NUP188: variants seen among roughly 807,000 people sequenced by gnomAD.
NUP188 encodes nucleoporin 188, also known as nucleoporin NUP188.
A neutral mutation model predicts 223.0 loss-of-function variants in NUP188; 97 were observed. The ratio of observed to expected loss-of-function variants is 0.43; its 90% CI spans 0.37 to 0.51. The LOEUF (loss-of-function observed/expected upper bound fraction) is 0.51. Ranked by LOEUF, NUP188 falls within the 20% of genes least tolerant of loss-of-function variation. NUP188 has a pLI of 0.00. For missense variants in NUP188, 1,947 were observed against 2,175.6 expected, an observed-to-expected ratio of 0.89 and a Z score of 2.09; for synonymous variants, 869 against 828.0, an observed-to-expected ratio of 1.05 and a Z score of -0.85.
chr9:129,002,901 C>T lies in NUP188; in HGVS notation c.4222C>T (p.Leu1408Phe). The change falls in exon 37 of 44, where the codon CTC (leucine) becomes TTC (phenylalanine). Residue 1408 changes from leucine (L) to phenylalanine (F), a missense_variant. Physicochemically the swap from Leu to Phe is conservative, Grantham distance 22. Coordinates refer to ENST00000372577, the MANE Select transcript of NUP188 (RefSeq NM_015354.3). Reference sequence around the variant, plus strand: ...GTCCATGTCCCTGATGGAGCAGCTGCTCAAAACTCTGCGCTACAACTTCCT... The same window carrying T: ...GTCCATGTCCCTGATGGAGCAGCTGTTCAAAACTCTGCGCTACAACTTCCT... ...RLSMSLMEQL[L>F]KTLRYNFLPE... is the part of the protein sequence containing the mutation. 1 of 1,614,228 alleles carries T rather than the reference C, an allele frequency of 6.2e-7. No homozygotes were observed. The highest frequency in any genetic ancestry group is 8.5e-7 in the Non-Finnish European group (1 of 1,180,046).
intron 3 of NUP188, among the ~76,000 whole-genome samples, chr9:128,953,527 C>A (rs1400426341): frequency 6.6e-6 from 1 of 152,104 alleles, no homozygotes. Context: ...CATTTTCATT[C>A]TCTTAGGTTA....
At chr9:128,984,124 A>ATTTGTTTTTTTTTTTTTTTTTTT (rs1842296439) in intron 19 of NUP188, among the ~76,000 whole-genome samples, 1 of 93,070 alleles carries the variant, frequency 1.1e-5, no homozygotes. Context: ...GCCTGGCCTG[A>ATTTGTTTTTTTTTTTTTTTTTTT]TTTTTTTTTT....
chr9:128,971,912 C>T (rs1009195760), intron 11 of NUP188, among the ~76,000 whole-genome samples: 1 of 152,146 alleles, frequency 6.6e-6, no homozygotes, highest in African/African-American at 2.4e-5. Flanking sequence ...GCTGGGATTA[C>T]AGGCACCTGC....
At position 128,970,977 on chromosome 9, in the gene NUP188, G is replaced by A. The variant is rs939482006; in HGVS notation, c.1113+19G>A. On this transcript the variant is annotated intron_variant, in intron 11 of 43. Coordinates refer to ENST00000372577, the MANE Select transcript of NUP188 (RefSeq NM_015354.3). ...AAATGATGTGAGTTTAAGGCTCTGG[G>A]TGGTGAGCATGGGAGTGAGCCGGCA... 9 of 1,602,152 alleles carry A rather than the reference G, an allele frequency of 5.6e-6. No individual in the cohort carries two copies. Among genetic ancestry groups the A allele is most frequent in the Non-Finnish European group, 6.8e-6 (8 of 1,169,032 alleles).
rs762726883 is a variant in NUP188, at chr9:128,993,416, C to T, written c.2847+13C>T. The T allele has an allele frequency of 1.2e-5, 20 of 1,613,658 alleles. No individual in the cohort carries two copies. The East Asian group carries it at 4.2e-4, about 34-fold the overall frequency. ...TGATGGCTCAAAGGTAAGCCTGTAA[C>T]CTGGGATGACACTGGGAGTTGGCTC... On this transcript the variant is annotated intron_variant, in intron 26 of 43. Transcript: ENST00000372577.
At chr9:128,954,257 C>G (rs1040719044) in intron 3 of NUP188, among the ~76,000 whole-genome samples, 1 of 151,812 alleles carries the variant, frequency 6.6e-6, no homozygotes, top group African/African-American at 2.4e-5. Flanking sequence ...CTTTGTGGCC[C>G]AGGCTGGAGT....
chr9:128,989,883 T>C (rs1842390191), intron 24 of NUP188, among the ~76,000 whole-genome samples: 1 of 152,184 alleles, frequency 6.6e-6, no homozygotes. Flanking sequence ...CCTATTTTAT[T>C]CAAAATGTAT....
rs1212201147 is a variant in NUP188 at position 128,987,687 on chromosome 9, T to A, written c.2363T>A (p.Ile788Asn). The A allele has an allele frequency of 1.2e-6, 2 of 1,614,050 alleles. No homozygotes were observed. Among genetic ancestry groups the A allele is most frequent in the Admixed American group, 1.7e-5 (1 of 59,992 alleles). Residue 788 changes from isoleucine to asparagine, a missense_variant, in exon 23 of 44, where the codon ATT (isoleucine) becomes AAT (asparagine). Transcript: ENST00000372577. ...INIMGIGVDT[I>N]DMVMAAQPRS... ...ATCATGGGCATTGGCGTGGACACCA[T>A]TGACATGGTGATGGCTGCTCAGCCT... is the stretch of plus-strand genomic sequence containing the variant.
intron 32 of NUP188, 80 bp from the exon 33 acceptor site, chr9:128,999,092 A>T (rs1842588217): frequency 1.7e-6 from 2 of 1,157,670 alleles, no homozygotes; most frequent in Non-Finnish European, 2.6e-6. Flanking sequence ...ACCTCAGGTG[A>T]TCCACCCGCC....
chr9:128,965,388 A>C, intron 8 of NUP188, among the ~76,000 whole-genome samples: 1 of 152,024 alleles, frequency 6.6e-6, no homozygotes, highest in Non-Finnish European at 1.5e-5. Context: ...TACTCTCTTT[A>C]GAGTCTAGTG....
intron 36 of NUP188, 111 bp downstream of exon 36, chr9:129,002,087 T>A: frequency 1.2e-6 from 1 of 818,744 alleles, no homozygotes; most frequent in African/African-American, 1.7e-5. Flanking sequence ...AATTGCCTAA[T>A]ACACTGATGG....
At position 128,969,400 on chromosome 9, in the gene NUP188, C is replaced by G. The variant is rs1361129871; in HGVS notation, c.798C>G (p.Gly266=). ...ATGGTGATACTATTTTTCTTTCTAG[C>G]TACTTCAGTGCCCTCATCCTGGTGG... ...ETMDPFVDRI[G]YFSALILVEG... The change falls in exon 10 of 44, where the codon GGC becomes GGG. Residue 266 remains glycine, a splice_region_variant and synonymous_variant. Transcript: ENST00000372577. 3 of 1,592,936 alleles carry G rather than the reference C, an allele frequency of 1.9e-6. No individual in the cohort carries two copies. In the South Asian group the frequency reaches 3.3e-5, roughly 18 times the overall value.
Position 128,999,777 on chromosome 9 carries a change from G to T in NUP188, c.3815G>T (p.Arg1272Leu). Residue 1272 changes from arginine (R) to leucine (L), a missense_variant, in exon 34 of 44, where the codon CGG (arginine) becomes CTG (leucine). Physicochemically the swap from Arg to Leu is moderately radical, Grantham distance 102. Around this residue, in one of 3 missense-constraint regions of NUP188, gnomAD observed 905 missense variants for 990.6 expected, o/e 0.91. Coordinates refer to ENST00000372577, the MANE Select transcript of NUP188 (RefSeq NM_015354.3). ...AGCATGGAGACTGACGACTGTTCTC[G>T]GTCCCGGCACAGGGACCAGCGTGAT... ...KDSMETDDCS[R>L]SRHRDQRDGV... 6.2e-7 allele frequency: 1 copy of T among 1,614,188 alleles called. No homozygotes were observed. Among genetic ancestry groups the T allele is most frequent in the East Asian group, 2.2e-5 (1 of 44,874 alleles).
rs1564563527 is a variant in NUP188, at chr9:128,993,228, G to A, written c.2672G>A (p.Gly891Asp). 1 of 1,614,148 alleles carries A rather than the reference G, an allele frequency of 6.2e-7. No homozygotes were observed. The highest frequency in any genetic ancestry group is 8.5e-7 in the Non-Finnish European group (1 of 1,180,016). ...CCAATGTCAGTGTATGCTTGTCTGG[G>A]CAATGATGCGGCTGCCATTCGTGAT... The part of the protein sequence containing the change: ...VAPMSVYACL[G>D]NDAAAIRDAF... The change falls in exon 26 of 44, where the codon GGC (glycine) becomes GAC (aspartate). Residue 891 changes from glycine (G) to aspartate (D), a missense_variant. Transcript: ENST00000372577.
chr9:128,993,993 A>G (rs1038637648), intron 27 of NUP188, among the ~76,000 whole-genome samples: 11 of 152,228 alleles, frequency 7.2e-5, no homozygotes, highest in African/African-American at 2.7e-4. Flanking sequence ...GCGCTTGCTC[A>G]AGTCACTGGA....
At chr9:129,002,999 G>A in intron 37 of NUP188, 24 bp downstream of exon 37, 2 of 1,611,676 alleles carry the variant, frequency 1.2e-6, no homozygotes, top group East Asian at 4.5e-5. Context: ...TGCATTGCAG[G>A]GGTGGGAGTT....
chr9:128,983,080 G>A (rs1185571676), intron 17 of NUP188, 52 bp downstream of exon 17: 1 of 1,605,054 alleles, frequency 6.2e-7, no homozygotes, highest in East Asian at 2.2e-5. Flanking sequence ...CTCAGCACTT[G>A]TGCCCTCAGT....
rs1564567734 is a variant in NUP188 at position 129,001,633 on chromosome 9, CCT to C, written c.3950_3951del (p.Leu1317HisfsTer17). ...TRRLPILPTLLTTLEVSLRMK... is the reference protein window; with the variant it reads ...TRRLPILPTLXTTLEVSLRMK... ...GCAGGCTCCCCATCCTACCCACCCT[CCT>C]CACCACTCTAGAGGTGAGCCTTCGC... On this transcript the variant is annotated frameshift_variant, in exon 35 of 44. Coordinates refer to ENST00000372577, the MANE Select transcript of NUP188 (RefSeq NM_015354.3). LOFTEE classifies it high-confidence loss of function. The C allele has an allele frequency of 6.2e-7, 1 of 1,614,048 alleles. No homozygotes were observed.
intron 4 of NUP188, 95 bp downstream of exon 4, chr9:128,956,529 T>C (rs1483704301): frequency 1.5e-6 from 1 of 648,882 alleles, no homozygotes; most frequent in Non-Finnish European, 2.6e-6. Flanking sequence ...TTTCTTTTTG[T>C]TTTGGGGATT....
Sources: gnomAD v4.1 joint callset for allele counts (sites outside exome capture counted in the v4.1 genomes callset) on GRCh38, gnomAD v4.1.1 for gene constraint, gnomAD v4.1.1 regional missense constraint, MANE v1.5 for transcripts, NCBI Gene and HGNC (gene_info 2026-07-23, HGNC 2026-07-21) for gene names.